Variants in RNF170 observed in about 807,000 individuals in gnomAD.
RNF170 encodes ring finger protein 170, also known as E3 ubiquitin-protein ligase RNF170.
RNF170 carries 12 observed loss-of-function variants against 32.7 expected under a neutral mutation model. That is an observed-to-expected ratio of 0.37 (90% confidence interval 0.24 to 0.60). The LOEUF (loss-of-function observed/expected upper bound fraction) is 0.60. Ranked by LOEUF, RNF170 falls within the 20% of genes least tolerant of loss-of-function variation. The pLI is 0.72. For synonymous variants in RNF170, 91 were observed against 103.6 expected (o/e 0.88, Z 0.74); for missense variants, 212 against 311.2 (o/e 0.68, Z 2.40).
chr8:42,893,275 AAAG>A (rs1418837174), intron 1 of RNF170, among the ~76,000 whole-genome samples: 1 of 152,218 alleles, frequency 6.6e-6, no homozygotes, highest in African/African-American at 2.4e-5. Context: ...TAAAATATGA[AAAG>A]AAGAGTTACT....
intron 4 of RNF170, among the ~76,000 whole-genome samples, chr8:42,867,314 A>T (rs763979144): frequency 2.2e-4 from 33 of 151,820 alleles, no homozygotes; most frequent in Non-Finnish European, 4.3e-4. Context: ...ACTACTAAAA[A>T]TACAAAATTA....
chr8:42,879,198 A>G (rs1364934981), intron 2 of RNF170, among the ~76,000 whole-genome samples: 1 of 152,220 alleles, frequency 6.6e-6, no homozygotes, highest in Admixed American at 6.5e-5. Flanking sequence ...CACAGCATCC[A>G]TTCCACAGCC....
downstream of RNF170, among the ~76,000 whole-genome samples, chr8:42,851,449 C>T (rs1039902997): frequency 4.0e-5 from 6 of 151,578 alleles, no homozygotes; most frequent in African/African-American, 1.5e-4. Context: ...TCTGTAGTCC[C>T]AGCTACTCGG....
chr8:42,852,419 A>T (rs1232690843), downstream of RNF170, among the ~76,000 whole-genome samples: 1 of 151,290 alleles, frequency 6.6e-6, no homozygotes, highest in African/African-American at 2.4e-5. Flanking sequence ...TTATTCATTT[A>T]TTTTTTTTTA....
In RNF170 at chr8:42,855,271, C is replaced by T. The variant is rs1383594433; in HGVS notation, c.*888G>A. ...TTGAGAGGGAGTCTCACTCTGTTGC[C>T]CAGGCTGGAGTGCAGTGGCGCAATC... On this transcript the variant is annotated 3_prime_UTR_variant, in exon 7 of 7. Transcript: ENST00000527424. The T allele has an allele frequency of 1.7e-5, 21 of 1,247,344 alleles. No homozygotes were observed. In the Middle Eastern group the frequency reaches 1.0e-3, roughly 60 times the overall value. The allele number at this position is 1,247,344 out of a possible 1,614,324, so 77.3% of individuals were successfully genotyped here.
intron 1 of RNF170, among the ~76,000 whole-genome samples, chr8:42,892,476 T>G (rs1563278166): frequency 6.6e-6 from 1 of 152,170 alleles, no homozygotes; most frequent in African/African-American, 2.4e-5. Flanking sequence ...AAAATTAATG[T>G]TTATTGGTGC....
chr8:42,867,346 C>G (rs1350175182), intron 4 of RNF170, among the ~76,000 whole-genome samples: 1 of 151,718 alleles, frequency 6.6e-6, no homozygotes, highest in Admixed American at 6.6e-5. Flanking sequence ...TGGTGCATGC[C>G]TGTAATCCCA....
At position 42,854,154 on chromosome 8, in the gene RNF170, T is replaced by G. The variant is rs1237347829; in HGVS notation, c.*2005A>C. ...CTTTTACCTATTTGATTTGGAAGTG[T>G]AGAATTCGGATTCATGTCATCTCCA... is the stretch of plus-strand genomic sequence containing the variant. On this transcript the variant is annotated 3_prime_UTR_variant, in exon 7 of 7. Coordinates refer to ENST00000527424, the MANE Select transcript of RNF170 (RefSeq NM_030954.4). 7.8e-7 allele frequency: 1 copy of G among 1,287,262 alleles called. No individual in the cohort carries two copies. The highest frequency in any genetic ancestry group is 5.5e-5 in the East Asian group (1 of 18,030). The allele number at this position is 1,287,262 out of a possible 1,614,324, so 79.7% of individuals were successfully genotyped here.
At chr8:42,889,826 G>A (rs912432491) in intron 1 of RNF170, among the ~76,000 whole-genome samples, 9 of 152,148 alleles carry the variant, frequency 5.9e-5, no homozygotes, top group Admixed American at 3.9e-4. Flanking sequence ...CTAGGGGTGG[G>A]CCACGGAGTC....
At chr8:42,887,983 G>C (rs1805965372) in intron 1 of RNF170, 112 bp from the exon 2 acceptor site, 2 of 990,220 alleles carry the variant, frequency 2.0e-6, no homozygotes, top group Non-Finnish European at 3.1e-6. Context: ...TTTCTGATAG[G>C]CTGCAATTAA....
chr8:42,879,480 G>T lies in RNF170; in HGVS notation c.138-5474C>A, dbSNP rs564047327. ...AGCCTGGCCAACACAGTGAAACCCT[G>T]TCTCTACTAAAAATACAAAAATTAG... On this transcript the variant is annotated intron_variant, in intron 2 of 6. Coordinates refer to ENST00000527424, the MANE Select transcript of RNF170 (RefSeq NM_030954.4). Among the ~76,000 whole-genome samples, 5 of 152,010 alleles carry T rather than the reference G, an allele frequency of 3.3e-5. No individual in the cohort carries two copies. The East Asian group carries it at 9.8e-4, about 30-fold the overall frequency.
chr8:42,896,310 CGGGGCGATTCT>C (rs1231454252), intron 1 of RNF170, 163 bp downstream of exon 1: 19 of 366,916 alleles, frequency 5.2e-5, no homozygotes, highest in East Asian at 3.4e-4. Flanking sequence ...CGGACAGCCG[CGGGGCGATTCT>C]GGGGCTTCCA....
chr8:42,880,497 C>T (rs1217833952), intron 2 of RNF170, among the ~76,000 whole-genome samples: 11 of 152,270 alleles, frequency 7.2e-5, no homozygotes, highest in South Asian at 4.1e-4. Context: ...GCCAGCCAGG[C>T]GCAGTGGCTC....
chr8:42,881,677 G>A (rs547511932), intron 2 of RNF170, among the ~76,000 whole-genome samples: 1 of 152,238 alleles, frequency 6.6e-6, no homozygotes, highest in African/African-American at 2.4e-5. Flanking sequence ...GCTCATGCCT[G>A]TAACTTCCGC....
intron 3 of RNF170, 53 bp from the exon 4 acceptor site, chr8:42,870,165 A>G (rs1804420635): frequency 8.1e-7 from 1 of 1,231,470 alleles, no homozygotes; most frequent in Non-Finnish European, 1.2e-6. Flanking sequence ...GGCCCTCAAC[A>G]GTATCTCATG....
downstream of RNF170, among the ~76,000 whole-genome samples, chr8:42,852,371 A>AAACTT (rs1802962407): frequency 6.6e-6 from 1 of 152,314 alleles, no homozygotes; most frequent in African/African-American, 2.4e-5. Flanking sequence ...TCAAAGTGGT[A>AAACTT]AACTTATCAT....
chr8:42,893,833 G>A (rs1806515242), intron 1 of RNF170, among the ~76,000 whole-genome samples: 1 of 152,142 alleles, frequency 6.6e-6, no homozygotes, highest in African/African-American at 2.4e-5. Flanking sequence ...GGGAAGACAG[G>A]ATGCAATCTG....
rs1210684637 is a variant in RNF170 at position 42,853,475 on chromosome 8, T to C, written c.*2684A>G. 2 of 1,286,996 alleles carry C rather than the reference T, an allele frequency of 1.6e-6. No individual in the cohort carries two copies. The highest frequency in any genetic ancestry group is 1.0e-6 in the Non-Finnish European group (1 of 988,638). The allele number at this position is 1,286,996 out of a possible 1,614,324, so 79.7% of individuals were successfully genotyped here. A position where few individuals can be genotyped will look rare whatever the true frequency, so the allele number is the denominator to read the frequency against. On this transcript the variant is annotated 3_prime_UTR_variant, in exon 7 of 7. Coordinates refer to ENST00000527424, the MANE Select transcript of RNF170 (RefSeq NM_030954.4). ...CCTTGTACCTCTCAAACACTGAGAA[T>C]TGTAGTAGTTGAAACCACTGTTCTA...
intron 5 of RNF170, among the ~76,000 whole-genome samples, chr8:42,863,980 A>AGTGG (rs1554603755): frequency 1.0e-3 from 145 of 139,584 alleles, no homozygotes; most frequent in African/African-American, 2.4e-3. Context: ...AGAGAGAGAG[A>AGTGG]GTGTGTGTGT....
Sources: allele counts gnomAD v4.1 joint callset (sites outside exome capture counted in the v4.1 genomes callset), GRCh38; gene constraint gnomAD v4.1.1; transcripts MANE v1.5; gene names NCBI Gene and HGNC (gene_info 2026-07-23, HGNC 2026-07-21).